FAAH2: variants seen among roughly 807,000 people sequenced by gnomAD.
FAAH2 encodes the protein fatty-acid amide hydrolase 2.
A neutral mutation model predicts 36.9 loss-of-function variants in FAAH2; 60 were observed. The ratio of observed to expected loss-of-function variants is 1.63; its 90% CI spans 1.32 to 2.02. The LOEUF is 2.02. Among genes scored for constraint, FAAH2 ranks in the 30% most tolerant of loss-of-function variants. FAAH2 has a pLI of 0.00. For missense variants in FAAH2, 689 were observed against 397.5 expected (o/e 1.73, Z -6.23); for synonymous variants, 214 against 143.8 (o/e 1.49, Z -3.49).
At chrX:57,224,626 A>G in the FAAH2 span, among the ~76,000 whole-genome samples, 1 of 112,051 alleles carries the variant, frequency 8.9e-6, no homozygotes, top group Non-Finnish European at 1.9e-5. Flanking sequence ...GAAGACACGT[A>G]CCCCTGAAGA....
Position 57,440,451 on chromosome X carries a change from T to C in FAAH2, c.1117-6477T>C, listed in dbSNP as rs193254290. On this transcript the variant is annotated intron_variant, in intron 8 of 10. Transcript: ENST00000374900. ...GCTTGTGATTTTTGCGCATTGATTT[T>C]GTATCCTGAGACTTTGCTGAAGTTG... is the stretch of plus-strand genomic sequence containing the variant. Among the ~76,000 whole-genome samples, 1,113 of 111,804 alleles carry C rather than the reference T, an allele frequency of 1.0e-2. 14 individuals carry two copies. The highest frequency in any genetic ancestry group is 0.034 in the African/African-American group (1,056 of 30,754).
intron 5 of FAAH2, among the ~76,000 whole-genome samples, chrX:57,362,946 T>C (rs1221747044): frequency 1.8e-5 from 2 of 112,020 alleles, no homozygotes; most frequent in Non-Finnish European, 3.8e-5. Context: ...TGTCTGGTTT[T>C]ATAACAATAT....
the FAAH2 span, among the ~76,000 whole-genome samples, chrX:57,274,597 C>T: frequency 8.9e-6 from 1 of 111,777 alleles, no homozygotes; most frequent in Non-Finnish European, 1.9e-5. Flanking sequence ...AGAGCTGGTT[C>T]AACATATGCA....
At chrX:57,210,034 C>T in the FAAH2 span, among the ~76,000 whole-genome samples, 1 of 110,473 alleles carries the variant, frequency 9.1e-6, no homozygotes, top group Non-Finnish European at 1.9e-5. Context: ...CCATGCTGCC[C>T]CTGCCAGGGG....
the FAAH2 span, among the ~76,000 whole-genome samples, chrX:57,281,314 TG>T: frequency 1.8e-5 from 2 of 111,932 alleles, no homozygotes; most frequent in African/African-American, 6.5e-5. Flanking sequence ...TAAGCTTATT[TG>T]GTGGTGGACA....
chrX:57,200,083 A>T, the FAAH2 span, among the ~76,000 whole-genome samples: 2 of 110,869 alleles, frequency 1.8e-5, no homozygotes, highest in Admixed American at 9.6e-5. Context: ...GTCTATTTAC[A>T]TTCAATGTTA....
At chrX:57,152,292 A>C in the FAAH2 span, among the ~76,000 whole-genome samples, 2 of 112,026 alleles carry the variant, frequency 1.8e-5, no homozygotes, top group Admixed American at 1.9e-4. Context: ...ACTCTCTTCA[A>C]AGCTGTCAGA....
chrX:57,218,355 C>G, the FAAH2 span, among the ~76,000 whole-genome samples: 1 of 111,853 alleles, frequency 8.9e-6, no homozygotes, highest in Non-Finnish European at 1.9e-5. Context: ...ATGTCTTTTA[C>G]TACATTAAGG....
At chrX:57,423,713 G>T (rs1256255996) in intron 7 of FAAH2, among the ~76,000 whole-genome samples, 1 of 111,374 alleles carries the variant, frequency 9.0e-6, no homozygotes, top group Non-Finnish European at 1.9e-5. Flanking sequence ...GCTGGTGCTT[G>T]TGCGTGCCAT....
chrX:57,149,097 G>T, the FAAH2 span, among the ~76,000 whole-genome samples: 1 of 111,635 alleles, frequency 9.0e-6, no homozygotes, highest in Non-Finnish European at 1.9e-5. Context: ...TTGCATCCCA[G>T]GGATGAAGCC....
the FAAH2 span, among the ~76,000 whole-genome samples, chrX:57,237,387 A>G: frequency 1.8e-5 from 2 of 111,348 alleles, no homozygotes; most frequent in Admixed American, 1.9e-4. Context: ...TAACAGAAAT[A>G]TGAGAATTTT....
intron 10 of FAAH2, among the ~76,000 whole-genome samples, chrX:57,471,658 C>T (rs747838867): frequency 2.7e-5 from 3 of 111,746 alleles, no homozygotes; most frequent in East Asian, 2.8e-4. Context: ...GTGAAAATGG[C>T]CATACTGCCC....
intron 5 of FAAH2, among the ~76,000 whole-genome samples, chrX:57,352,417 C>T (rs2054047497): frequency 9.2e-6 from 1 of 108,122 alleles, no homozygotes; most frequent in Non-Finnish European, 1.9e-5. Flanking sequence ...CTTATCATGC[C>T]TTCATGGTAA....
At chrX:57,395,463 C>T (rs929078564) in intron 7 of FAAH2, 2 of 517,406 alleles carry the variant, frequency 3.9e-6, no homozygotes, top group African/African-American at 4.7e-5. Context: ...CTGTTCAGTT[C>T]TTAGGAGGAA....
the FAAH2 span, among the ~76,000 whole-genome samples, chrX:57,238,514 A>T: frequency 9.0e-6 from 1 of 111,481 alleles, no homozygotes; most frequent in African/African-American, 3.3e-5. Context: ...GATCAGGAAA[A>T]ATAACTAATG....
intron 2 of FAAH2, among the ~76,000 whole-genome samples, chrX:57,300,287 C>T (rs1265661489): frequency 9.0e-6 from 1 of 110,878 alleles, no homozygotes; most frequent in Non-Finnish European, 1.9e-5. Flanking sequence ...AAACAGAGCC[C>T]TCAGAAACAA....
At chrX:57,137,193 T>TA in the FAAH2 span, 1 of 758,570 alleles carries the variant, frequency 1.3e-6, no homozygotes, top group South Asian at 6.5e-5. Flanking sequence ...TGGCGCCCAC[T>TA]AATGGCCTTG....
At chrX:57,181,049 T>G in the FAAH2 span, among the ~76,000 whole-genome samples, 3 of 111,720 alleles carry the variant, frequency 2.7e-5, no homozygotes, top group African/African-American at 9.7e-5. Flanking sequence ...TCTCAATAGA[T>G]ACAGAAAAGG....
intron 10 of FAAH2, among the ~76,000 whole-genome samples, chrX:57,485,344 C>T (rs1293806476): frequency 9.0e-6 from 1 of 111,221 alleles, no homozygotes; most frequent in Non-Finnish European, 1.9e-5. Flanking sequence ...AAATGCCAAG[C>T]CATGGCCACA....
Sources: gnomAD v4.1 joint callset for allele counts (sites outside exome capture counted in the v4.1 genomes callset) on GRCh38, gnomAD v4.1.1 for gene constraint, MANE v1.5 for transcripts, NCBI Gene and HGNC (gene_info 2026-07-23, HGNC 2026-07-21) for gene names.